OPTN: variants seen among roughly 807,000 people sequenced by gnomAD.
OPTN encodes optineurin.
Under a neutral mutation model 70.4 loss-of-function variants are expected in OPTN, and 54 were observed. The observed-to-expected ratio is 0.77, with a 90% CI of 0.62 to 0.96. The LOEUF is 0.96. Among genes scored for constraint, OPTN ranks in the 40% least tolerant of loss-of-function variants. OPTN has a pLI of 0.00. For synonymous variants in OPTN, 256 were observed against 248.5 expected (o/e 1.03, Z -0.28); for missense variants, 624 against 673.2 (o/e 0.93, Z 0.81).
chr10:13,119,199 A>G (rs940644106), intron 7 of OPTN, among the ~76,000 whole-genome samples, 159 bp downstream of exon 7: 1 of 152,214 alleles, frequency 6.6e-6, no homozygotes, highest in African/African-American at 2.4e-5. Context: ...ATAATTTTAG[A>G]ACATTTTTTC....
chr10:13,135,067 A>G lies in OPTN; in HGVS notation c.1612+1486A>G, dbSNP rs1043973413. The stretch of plus-strand genomic sequence containing the variant: ...AATGCTTCTTAAGGCTGCTGAACAC[A>G]ATCTCAAATATTCATACATGTTACT... On this transcript the variant is annotated intron_variant, in intron 14 of 14. Coordinates refer to ENST00000378747, the MANE Select transcript of OPTN (RefSeq NM_001008212.2). 6.6e-5 allele frequency among the ~76,000 whole-genome samples: 10 copies of G among 152,204 alleles called. No homozygotes were observed. In the East Asian group the frequency reaches 7.7e-4, roughly 12 times the overall value.
intron 8 of OPTN, among the ~76,000 whole-genome samples, chr10:13,123,777 T>C (rs1376194517): frequency 1.3e-5 from 2 of 152,232 alleles, no homozygotes; most frequent in African/African-American, 4.8e-5. Context: ...GTTCATGCTT[T>C]ATTAGGAAAC....
chr10:13,132,011 G>GT (rs1189196924), intron 12 of OPTN, 56 bp from the exon 13 acceptor site: 1 of 1,574,836 alleles, frequency 6.3e-7, no homozygotes. Context: ...CATAAACACT[G>GT]TAAGAATCTG....
intron 5 of OPTN, among the ~76,000 whole-genome samples, chr10:13,114,268 C>T (rs185972378): frequency 6.6e-6 from 1 of 152,080 alleles, no homozygotes; most frequent in African/African-American, 2.4e-5. Flanking sequence ...AATAACCCTG[C>T]CATCCATTCC....
chr10:13,110,428 G>T lies in OPTN; in HGVS notation c.321G>T (p.Leu107Phe). ...LMALSHENEK[L>F]KEELGKLKGK... ...CCTTGAGTCATGAGAATGAGAAATT[G>T]AAGGAAGAGCTTGGAAAACTAAAAG... The change falls in exon 4 of 15, where the codon TTG becomes TTT. Residue 107 changes from leucine to phenylalanine, a missense_variant. Transcript: ENST00000378747. The T allele has an allele frequency of 6.2e-7, 1 of 1,614,064 alleles. No individual in the cohort carries two copies. The highest frequency in any genetic ancestry group is 1.1e-5 in the South Asian group (1 of 91,080).
At chr10:13,109,834 CAAAAAAAAAA>C (rs33911800) in intron 3 of OPTN, among the ~76,000 whole-genome samples, 2 of 84,914 alleles carry the variant, frequency 2.4e-5, no homozygotes, top group Non-Finnish European at 4.4e-5. Flanking sequence ...GACCCTGACT[CAAAAAAAAAA>C]AAAAAAAAAG....
chr10:13,106,627 C>G (rs966771495), intron 1 of OPTN, among the ~76,000 whole-genome samples: 3 of 152,188 alleles, frequency 2.0e-5, no homozygotes, highest in African/African-American at 7.2e-5. Flanking sequence ...GTAGCTCTGT[C>G]TCTGATTACC....
chr10:13,111,907 GCA>G, intron 4 of OPTN, among the ~76,000 whole-genome samples: 1 of 138,048 alleles, frequency 7.2e-6, no homozygotes, highest in Non-Finnish European at 1.5e-5. Flanking sequence ...GAGTACAGTG[GCA>G]TAATCTCGGC....
chr10:13,114,048 C>T (rs1279065107), intron 5 of OPTN, among the ~76,000 whole-genome samples: 5 of 150,798 alleles, frequency 3.3e-5, no homozygotes, highest in Non-Finnish European at 7.4e-5. Flanking sequence ...GCCTGGGTGA[C>T]AGAGCAAGAC....
At chr10:13,107,448 G>A (rs1363412899) in intron 1 of OPTN, among the ~76,000 whole-genome samples, 2 of 140,804 alleles carry the variant, frequency 1.4e-5, no homozygotes, top group East Asian at 2.2e-4. Context: ...GCACGATCTC[G>A]GCTCACTGCA....
rs372580800 is a variant in OPTN at position 13,120,081 on chromosome 10, C to T, written c.779+1041C>T. Among the ~76,000 whole-genome samples, 5 of 149,540 alleles carry T rather than the reference C, an allele frequency of 3.3e-5. No individual in the cohort carries two copies. The East Asian group carries it at 8.0e-4, about 24-fold the overall frequency. On this transcript the variant is annotated intron_variant, in intron 7 of 14. Transcript: ENST00000378747. Reference sequence around the variant, plus strand: ...CACTGCAAGCTCCGCCTCCCGGGTTCACGCCATTCTCCTGCCTCAGTCTCC... The same window carrying T: ...CACTGCAAGCTCCGCCTCCCGGGTTTACGCCATTCTCCTGCCTCAGTCTCC...
rs1490332928 is a variant in OPTN at position 13,116,309 on chromosome 10, C to T, written c.595C>T (p.Pro199Ser). ...EGSVKEIKHS[P>S]GPTRTVSTGT... is the part of the protein sequence containing the mutation. ...GTCAGTAAAAGAAATCAAGCATAGTCCTGGGCCCACGAGAACAGTCTCCAC... is the reference window on the plus strand; with the variant it reads ...GTCAGTAAAAGAAATCAAGCATAGTTCTGGGCCCACGAGAACAGTCTCCAC... The change falls in exon 6 of 15, where the codon CCT becomes TCT. Residue 199 changes from proline to serine, a missense_variant. Pro to Ser is a moderately conservative substitution (Grantham distance 74). Coordinates refer to ENST00000378747, the MANE Select transcript of OPTN (RefSeq NM_001008212.2). 1 of 1,613,658 alleles carries T rather than the reference C, an allele frequency of 6.2e-7. No individual in the cohort carries two copies. Among genetic ancestry groups the T allele is most frequent in the Non-Finnish European group, 8.5e-7 (1 of 1,179,684 alleles).
chr10:13,133,459 G>A, intron 13 of OPTN, 43 bp from the exon 14 acceptor site: 1 of 1,539,156 alleles, frequency 6.5e-7, no homozygotes, highest in South Asian at 1.1e-5. Flanking sequence ...CATGTTTCGG[G>A]GTTGTAGAAC....
At chr10:13,104,588 T>C in intron 1 of OPTN, 1 of 653,754 alleles carries the variant, frequency 1.5e-6, no homozygotes, top group Non-Finnish European at 2.9e-6. Context: ...TTCCAAGGCT[T>C]CTAACATGAG....
At chr10:13,134,581 C>T (rs1258259193) in intron 14 of OPTN, among the ~76,000 whole-genome samples, 8 of 152,126 alleles carry the variant, frequency 5.3e-5, no homozygotes, top group Non-Finnish European at 8.8e-5. Context: ...TACAGGTGCA[C>T]GCCACCACGC....
intron 7 of OPTN, among the ~76,000 whole-genome samples, chr10:13,120,905 C>T (rs959952321): frequency 6.6e-5 from 10 of 152,106 alleles, no homozygotes; most frequent in African/African-American, 2.2e-4. Flanking sequence ...CAAATCCTGG[C>T]GGAAAGCGAA....
chr10:13,123,050 C>T (rs1194061057), intron 8 of OPTN: 1 of 160,786 alleles, frequency 6.2e-6, no homozygotes, highest in African/African-American at 2.4e-5. Context: ...CTCCTCGGTC[C>T]TTCAATGAAC....
rs676302 is a variant in OPTN at position 13,125,860 on chromosome 10, G to T, written c.1149-86G>T. On this transcript the variant is annotated intron_variant, in intron 10 of 14. Transcript: ENST00000378747. ...AGGTAGGCGAGAAGATTTTTCTACT[G>T]GAGTGTTCAGAAGGTTGGGAGGCAA... 0.81 allele frequency: 787,520 copies of T among 971,390 alleles called. 320,309 individuals carry two copies. The highest frequency in any genetic ancestry group is 0.94 in the Middle Eastern group (4,477 of 4,774). The allele number at this position is 971,390 out of a possible 1,614,324, so 60.2% of individuals were successfully genotyped here.
chr10:13,126,367 G>A (rs11258216), intron 11 of OPTN, among the ~76,000 whole-genome samples: 3,460 of 149,296 alleles, frequency 0.023, 119 homozygotes, highest in African/African-American at 0.081. Context: ...TGCAAGCTCC[G>A]CCTCCTGGGT....
Sources: allele counts gnomAD v4.1 joint callset (sites outside exome capture counted in the v4.1 genomes callset), GRCh38; gene constraint gnomAD v4.1.1; transcripts MANE v1.5; gene names NCBI Gene and HGNC (gene_info 2026-07-23, HGNC 2026-07-21).